MALRD1: variants seen among roughly 807,000 people sequenced by gnomAD.
MALRD1 encodes MAM and LDL-receptor class A domain-containing protein 1.
A neutral mutation model predicts 242.1 loss-of-function variants in MALRD1; 247 were observed. That is an observed-to-expected ratio of 1.02 (90% CI 0.92 to 1.13). The LOEUF (loss-of-function observed/expected upper bound fraction) is 1.13. Ranked by LOEUF, MALRD1 falls within the 50% of genes most tolerant of loss-of-function variation. The probability of loss-of-function intolerance (pLI) is 0.00; values close to 1 mark genes in which losing one functional copy is unlikely to be tolerated. For missense variants in MALRD1, 2,989 were observed against 2,533.1 expected (o/e 1.18, Z -3.86); for synonymous variants, 995 against 866.6 (o/e 1.15, Z -2.60).
chr10:19,549,368 A>G (rs1358244606), intron 32 of MALRD1, among the ~76,000 whole-genome samples: 3 of 152,190 alleles, frequency 2.0e-5, no homozygotes, highest in Non-Finnish European at 4.4e-5. Flanking sequence ...ATCATTTGCT[A>G]CAGAGAAATC....
At chr10:19,662,522 T>A (rs1044631047) in intron 36 of MALRD1, among the ~76,000 whole-genome samples, 1 of 152,190 alleles carries the variant, frequency 6.6e-6, no homozygotes, top group East Asian at 1.9e-4. Flanking sequence ...TCTCCCACTC[T>A]TAAAACGTTA....
At chr10:19,189,076 G>A (rs542652752) in intron 14 of MALRD1, among the ~76,000 whole-genome samples, 3 of 152,132 alleles carry the variant, frequency 2.0e-5, no homozygotes, top group African/African-American at 4.8e-5. Context: ...GAGAGACAAA[G>A]AGAGAGAGAA....
chr10:19,518,817 T>C (rs1315670647), intron 31 of MALRD1, among the ~76,000 whole-genome samples: 1 of 152,242 alleles, frequency 6.6e-6, no homozygotes, highest in African/African-American at 2.4e-5. Context: ...GTTTCAATTT[T>C]AGTGGCAATT....
intron 35 of MALRD1, among the ~76,000 whole-genome samples, chr10:19,608,122 A>T (rs1386959191): frequency 6.6e-6 from 1 of 152,134 alleles, no homozygotes; most frequent in African/African-American, 2.4e-5. Context: ...ACAATGTTTG[A>T]TAAGAAAAGA....
At chr10:19,615,516 C>CAAAAA (rs530920512) in intron 35 of MALRD1, among the ~76,000 whole-genome samples, 6 of 37,218 alleles carry the variant, frequency 1.6e-4, no homozygotes, top group East Asian at 9.7e-4. Context: ...GACCCTGCCT[C>CAAAAA]AAAAAAAAAA....
At chr10:19,083,316 A>G (rs7893424) in intron 2 of MALRD1, among the ~76,000 whole-genome samples, 5,018 of 152,086 alleles carry the variant, frequency 0.033, 248 homozygotes, top group African/African-American at 0.11. Context: ...GAGCCTCAAT[A>G]TCAGCCAGAT....
chr10:19,084,513 C>A (rs1186750338), intron 2 of MALRD1, among the ~76,000 whole-genome samples: 1 of 151,786 alleles, frequency 6.6e-6, no homozygotes, highest in Non-Finnish European at 1.5e-5. Context: ...CTGTAGCATG[C>A]AACAGGATTT....
chr10:19,352,455 C>A (rs939057292), intron 26 of MALRD1, among the ~76,000 whole-genome samples, 158 bp downstream of exon 26: 1 of 147,408 alleles, frequency 6.8e-6, no homozygotes, highest in Non-Finnish European at 1.5e-5. Flanking sequence ...ATTTCTCAAG[C>A]CTTTATTCAT....
intron 24 of MALRD1, among the ~76,000 whole-genome samples, chr10:19,346,507 T>A (rs1844130501): frequency 6.6e-6 from 1 of 152,192 alleles, no homozygotes; most frequent in African/African-American, 2.4e-5. Context: ...CAAGTATTTT[T>A]AATATTTGGA....
At chr10:19,489,360 C>A in intron 29 of MALRD1, 1 of 544,268 alleles carries the variant, frequency 1.8e-6, no homozygotes. Context: ...GAGGAGAGTC[C>A]AGCCTCTGAT....
chr10:19,684,347 G>C (rs1392402266), intron 36 of MALRD1, among the ~76,000 whole-genome samples: 1 of 152,140 alleles, frequency 6.6e-6, no homozygotes, highest in Non-Finnish European at 1.5e-5. Context: ...CACATAACAA[G>C]TGCTCAATAA....
At chr10:19,340,369 A>G (rs1341990010) in intron 24 of MALRD1, among the ~76,000 whole-genome samples, 2 of 151,468 alleles carry the variant, frequency 1.3e-5, no homozygotes, top group African/African-American at 4.9e-5. Context: ...GTACCCATTA[A>G]CATCCCCACA....
At chr10:19,582,093 T>C (rs945939271) in intron 33 of MALRD1, among the ~76,000 whole-genome samples, 5 of 152,044 alleles carry the variant, frequency 3.3e-5, no homozygotes, top group African/African-American at 1.2e-4. Context: ...TGTAAATTTG[T>C]TTGAGTTCAT....
intron 14 of MALRD1, among the ~76,000 whole-genome samples, chr10:19,182,173 G>A (rs899194528): frequency 6.6e-6 from 1 of 151,912 alleles, no homozygotes; most frequent in Non-Finnish European, 1.5e-5. Flanking sequence ...GTTACCAAAT[G>A]TACATGGTTT....
intron 14 of MALRD1, among the ~76,000 whole-genome samples, chr10:19,189,033 GGAGA>G (rs547376782): frequency 6.6e-6 from 1 of 151,780 alleles, no homozygotes; most frequent in Non-Finnish European, 1.5e-5. Flanking sequence ...ATGGACCTAG[GGAGA>G]GAGAGAAAGG....
intron 29 of MALRD1, among the ~76,000 whole-genome samples, chr10:19,490,135 A>C (rs2131212873): frequency 1.3e-5 from 2 of 152,276 alleles, no homozygotes; most frequent in Middle Eastern, 6.8e-3. Flanking sequence ...TTTTTGGTAC[A>C]TGTCTTAGGA....
At chr10:19,153,084 G>C (rs1834001060) in intron 11 of MALRD1, among the ~76,000 whole-genome samples, 1 of 152,054 alleles carries the variant, frequency 6.6e-6, no homozygotes, top group African/African-American at 2.4e-5. Flanking sequence ...ATTTAGATAG[G>C]ATTCTATGAC....
At chr10:19,276,972 T>G (rs1840560100) in intron 19 of MALRD1, among the ~76,000 whole-genome samples, 4 of 151,986 alleles carry the variant, frequency 2.6e-5, no homozygotes, top group African/African-American at 9.7e-5. Context: ...CAGACCAGAG[T>G]GCAGTGGTGT....
chr10:19,222,409 C>G (rs905807075), intron 18 of MALRD1, among the ~76,000 whole-genome samples: 1 of 152,114 alleles, frequency 6.6e-6, no homozygotes, highest in African/African-American at 2.4e-5. Flanking sequence ...TGGGATTTGC[C>G]ATTTTGGAAT....
Sources: allele counts gnomAD v4.1 joint callset (sites outside exome capture counted in the v4.1 genomes callset), GRCh38; gene constraint gnomAD v4.1.1; transcripts MANE v1.5; gene names NCBI Gene and HGNC (gene_info 2026-07-23, HGNC 2026-07-21).